MMP20: variants seen among roughly 807,000 people sequenced by gnomAD.
The protein encoded by MMP20 is matrix metallopeptidase 20.
MMP20 carries 50 observed loss-of-function variants against 51.8 expected under a neutral mutation model. The ratio of observed to expected loss-of-function variants is 0.97; its 90% CI spans 0.77 to 1.22. MMP20 has a LOEUF of 1.22. Among genes scored for constraint, MMP20 ranks in the 50% most tolerant of loss-of-function variants. The probability of loss-of-function intolerance (pLI) is 0.00; values close to 1 mark genes in which losing one functional copy is unlikely to be tolerated. For synonymous variants in MMP20, 244 were observed against 216.2 expected, an observed-to-expected ratio of 1.13 and a Z score of -1.13; for missense variants, 663 against 601.4, an observed-to-expected ratio of 1.10 and a Z score of -1.07.
rs780246156 is a variant in MMP20, at chr11:102,617,006, C to T, written c.180G>A (p.Met60Ile). ...TNKEGHQIGE[M>I]VARGSNSMIR... Reference sequence around the variant, plus strand: ...TCATGGAATTGCTTCCTCTTGCAACCATCTCACCAATCTGGTGTCCTTCTT... The same window carrying T: ...TCATGGAATTGCTTCCTCTTGCAACTATCTCACCAATCTGGTGTCCTTCTT... The change falls in exon 2 of 10, where the codon ATG becomes ATA. Residue 60 changes from methionine to isoleucine, a missense_variant. Coordinates refer to ENST00000260228, the MANE Select transcript of MMP20 (RefSeq NM_004771.4). 5.6e-6 allele frequency: 9 copies of T among 1,614,000 alleles called. No homozygotes were observed. In the Admixed American group the frequency reaches 1.3e-4, roughly 24 times the overall value.
intron 1 of MMP20, among the ~76,000 whole-genome samples, chr11:102,621,224 C>T (rs1305225765): frequency 6.6e-6 from 1 of 152,202 alleles, no homozygotes; most frequent in African/African-American, 2.4e-5. Flanking sequence ...ATGGCCTTCC[C>T]ATGTTATGGC....
At chr11:102,579,672 A>G (rs1483660498) in intron 8 of MMP20, among the ~76,000 whole-genome samples, 2 of 152,168 alleles carry the variant, frequency 1.3e-5, no homozygotes, top group African/African-American at 4.8e-5. Context: ...CTTTATCACT[A>G]TGCTCCCATG....
At chr11:102,603,355 A>G (rs904993455) in intron 6 of MMP20, among the ~76,000 whole-genome samples, 5 of 152,180 alleles carry the variant, frequency 3.3e-5, no homozygotes, top group African/African-American at 1.2e-4. Flanking sequence ...GGCAGCTGGT[A>G]GGGGATCAGA....
intron 8 of MMP20, among the ~76,000 whole-genome samples, chr11:102,592,215 G>T (rs17098680): frequency 6.6e-5 from 10 of 152,248 alleles, no homozygotes; most frequent in South Asian, 2.1e-4. Context: ...AGATATTAGG[G>T]CCTTAATAAG....
chr11:102,578,298 C>A (rs1465803819), intron 9 of MMP20, among the ~76,000 whole-genome samples: 1 of 145,518 alleles, frequency 6.9e-6, no homozygotes, highest in Non-Finnish European at 1.5e-5. Flanking sequence ...TGTGTGCCAT[C>A]ATTCTCAGCT....
At chr11:102,580,725 A>G (rs7117925) in intron 8 of MMP20, among the ~76,000 whole-genome samples, 146,245 of 152,314 alleles carry the variant, frequency 0.96, 70,338 homozygotes, top group Non-Finnish European at 0.99. Flanking sequence ...ACTAAGTAAG[A>G]ACATTACCAT....
At chr11:102,578,411 A>T (rs1473978882) in intron 9 of MMP20, among the ~76,000 whole-genome samples, 2 of 152,226 alleles carry the variant, frequency 1.3e-5, no homozygotes, top group Admixed American at 6.5e-5. Context: ...TGCTGGAATT[A>T]CAGGTGTGTG....
intron 8 of MMP20, 106 bp from the exon 9 acceptor site, chr11:102,579,248 CCTCT>C (rs1030723556): frequency 7.2e-6 from 5 of 692,118 alleles, no homozygotes; most frequent in East Asian, 5.7e-5. Flanking sequence ...TTTAGGTGTT[CCTCT>C]CTCTCTCTGT....
chr11:102,617,159 T>C, intron 1 of MMP20, 100 bp from the exon 2 acceptor site: 1 of 1,395,494 alleles, frequency 7.2e-7, no homozygotes, highest in Non-Finnish European at 1.0e-6. Context: ...TTAAAAGCAG[T>C]GTGTAGAGTA....
chr11:102,588,148 A>G lies in MMP20; in HGVS notation c.1247+5291T>C, dbSNP rs12291231. The stretch of plus-strand genomic sequence containing the variant: ...CTTAGTGGTTGATGTAGGGCTTGCC[A>G]TATACATCTTAACTTATAAAAATCT... On this transcript the variant is annotated intron_variant, in intron 8 of 9. Coordinates refer to ENST00000260228, the MANE Select transcript of MMP20 (RefSeq NM_004771.4). Among the ~76,000 whole-genome samples, 717 of 152,220 alleles carry G rather than the reference A, an allele frequency of 4.7e-3. 5 individuals are homozygous for G. The highest frequency in any genetic ancestry group is 0.017 in the African/African-American group (687 of 41,572).
At chr11:102,615,251 A>G (rs1201241046) in intron 2 of MMP20, among the ~76,000 whole-genome samples, 3 of 147,572 alleles carry the variant, frequency 2.0e-5, no homozygotes, top group Non-Finnish European at 4.5e-5. Context: ...AATAAATATA[A>G]ATATGAAATA....
intron 1 of MMP20, among the ~76,000 whole-genome samples, chr11:102,624,848 G>C (rs915835603): frequency 1.3e-5 from 2 of 152,068 alleles, no homozygotes; most frequent in African/African-American, 4.8e-5. Context: ...ATTATGCCTC[G>C]GTTTTTATTT....
chr11:102,601,239 TCTC>T, intron 6 of MMP20, among the ~76,000 whole-genome samples: 1 of 53,660 alleles, frequency 1.9e-5, no homozygotes, highest in African/African-American at 5.7e-5. Context: ...TTCACGCCAT[TCTC>T]CTGCCTCAGC....
At chr11:102,603,558 T>C (rs926369408) in intron 6 of MMP20, among the ~76,000 whole-genome samples, 12 of 152,204 alleles carry the variant, frequency 7.9e-5, no homozygotes, top group African/African-American at 2.9e-4. Context: ...CACAGGGGAA[T>C]TGTAAGGATG....
At chr11:102,602,101 C>T (rs7946560) in intron 6 of MMP20, among the ~76,000 whole-genome samples, 69,077 of 139,284 alleles carry the variant, frequency 0.5, 17,872 homozygotes, top group South Asian at 0.64. Flanking sequence ...AGGCGCCCAC[C>T]ACCACGCCCG....
chr11:102,579,292 T>C, intron 8 of MMP20, 150 bp from the exon 9 acceptor site: 1 of 634,084 alleles, frequency 1.6e-6, no homozygotes, highest in Admixed American at 2.9e-5. Context: ...GCATTTATGT[T>C]GTTATTTATT....
At chr11:102,602,458 C>A (rs1192639366) in intron 6 of MMP20, among the ~76,000 whole-genome samples, 2 of 152,148 alleles carry the variant, frequency 1.3e-5, no homozygotes, top group African/African-American at 2.4e-5. Flanking sequence ...GCCCCACTTG[C>A]AAGCAGAGGG....
chr11:102,580,747 A>C (rs954893120), intron 8 of MMP20, among the ~76,000 whole-genome samples: 1 of 152,224 alleles, frequency 6.6e-6, no homozygotes, highest in African/African-American at 2.4e-5. Context: ...TAACCATCAA[A>C]AGAACTACTA....
At chr11:102,583,296 A>G (rs1296565864) in intron 8 of MMP20, among the ~76,000 whole-genome samples, 1 of 152,172 alleles carries the variant, frequency 6.6e-6, no homozygotes, top group Non-Finnish European at 1.5e-5. Flanking sequence ...TTCTTGCAAT[A>G]GTTCTCTCTC....
Sources: allele counts gnomAD v4.1 joint callset (sites outside exome capture counted in the v4.1 genomes callset), GRCh38; gene constraint gnomAD v4.1.1; transcripts MANE v1.5; gene names NCBI Gene and HGNC (gene_info 2026-07-23, HGNC 2026-07-21).